Variants in SGCZ observed in about 807,000 individuals in gnomAD.
The protein encoded by SGCZ is zeta-sarcoglycan.
In SGCZ, 40 loss-of-function variants were observed where a neutral mutation model predicts 41.3. The observed-to-expected ratio is 0.97, with a 90% CI of 0.75 to 1.26. The LOEUF (loss-of-function observed/expected upper bound fraction) is 1.26. SGCZ is among the 50% of genes most tolerant of loss of function. The pLI is 0.00. For missense variants in SGCZ, 552 were observed against 369.8 expected (o/e 1.49, Z -4.04); for synonymous variants, 206 against 137.5 (o/e 1.50, Z -3.49).
chr8:15,091,802 G>A (rs556449457), intron 1 of SGCZ, among the ~76,000 whole-genome samples: 2 of 152,176 alleles, frequency 1.3e-5, no homozygotes, highest in East Asian at 3.9e-4. Context: ...AACCAGGCTG[G>A]AGTGCAGTGT....
chr8:15,138,871 A>G (rs1321517651), intron 1 of SGCZ, among the ~76,000 whole-genome samples: 2 of 152,214 alleles, frequency 1.3e-5, no homozygotes, highest in Non-Finnish European at 1.5e-5. Context: ...GCTGAACTGG[A>G]AACATAAAGG....
intron 4 of SGCZ, among the ~76,000 whole-genome samples, chr8:14,216,281 TC>T (rs1389018290): frequency 1.3e-5 from 2 of 152,162 alleles, no homozygotes; most frequent in East Asian, 3.9e-4. Flanking sequence ...CCCCTGGACT[TC>T]CGAGAAGTTT....
chr8:14,702,878 TAGATAAAA>T (rs1809205588), intron 1 of SGCZ, among the ~76,000 whole-genome samples: 3 of 130,110 alleles, frequency 2.3e-5, no homozygotes, highest in Non-Finnish European at 4.9e-5. Flanking sequence ...GATAGATAGA[TAGATAAAA>T]AGATAGATAG....
intron 1 of SGCZ, among the ~76,000 whole-genome samples, chr8:14,713,194 T>C (rs1809578108): frequency 6.6e-6 from 1 of 152,202 alleles, no homozygotes; most frequent in African/African-American, 2.4e-5. Context: ...ACATGCATAG[T>C]AATTTGTAAA....
chr8:14,368,070 G>C (rs1189469802), intron 2 of SGCZ, among the ~76,000 whole-genome samples: 1 of 151,972 alleles, frequency 6.6e-6, no homozygotes, highest in Non-Finnish European at 1.5e-5. Context: ...TTAAATTTTT[G>C]AAAAGGTAAG....
intron 1 of SGCZ, among the ~76,000 whole-genome samples, chr8:15,132,403 A>C (rs942936811): frequency 1.3e-5 from 2 of 151,990 alleles, no homozygotes; most frequent in African/African-American, 2.4e-5. Context: ...CTTATACCAA[A>C]TTTTCCTGTT....
chr8:14,099,748 A>G (rs933345290), intron 7 of SGCZ, among the ~76,000 whole-genome samples: 21 of 151,950 alleles, frequency 1.4e-4, no homozygotes, highest in Non-Finnish European at 2.6e-4. Context: ...TTTATTAATT[A>G]TTTTTCTTTG....
intron 1 of SGCZ, among the ~76,000 whole-genome samples, chr8:14,725,450 C>G (rs867986987): frequency 7.2e-5 from 11 of 152,208 alleles, no homozygotes; most frequent in Admixed American, 4.6e-4. Flanking sequence ...CAACAGTGTA[C>G]AAGTGATTCC....
chr8:15,038,814 C>CAAA (rs58922339), intron 1 of SGCZ, among the ~76,000 whole-genome samples: 27 of 93,038 alleles, frequency 2.9e-4, no homozygotes, highest in African/African-American at 1.0e-3. Context: ...TGACATTTCT[C>CAAA]AAAAAAAAAA....
chr8:14,597,736 C>T (rs2117303187), intron 1 of SGCZ, among the ~76,000 whole-genome samples: 1 of 152,262 alleles, frequency 6.6e-6, no homozygotes, highest in African/African-American at 2.4e-5. Context: ...CTTGGCCTCC[C>T]AAAGTGCTGG....
chr8:14,909,874 C>A (rs1488063395), intron 1 of SGCZ, among the ~76,000 whole-genome samples: 3 of 152,076 alleles, frequency 2.0e-5, no homozygotes, highest in Non-Finnish European at 4.4e-5. Flanking sequence ...ACCAGTGTAG[C>A]TATATAGTGG....
At chr8:14,712,029 G>T (rs1362744119) in intron 1 of SGCZ, among the ~76,000 whole-genome samples, 1 of 152,072 alleles carries the variant, frequency 6.6e-6, no homozygotes, top group Admixed American at 6.5e-5. Flanking sequence ...AGCACTTTTG[G>T]AGGCTGAGGT....
intron 2 of SGCZ, among the ~76,000 whole-genome samples, chr8:14,392,331 T>C (rs1275066527): frequency 6.6e-6 from 1 of 152,180 alleles, no homozygotes; most frequent in Non-Finnish European, 1.5e-5. Context: ...TTAGATGGTA[T>C]GAAAAATTGA....
At chr8:14,398,009 G>A (rs919017521) in intron 2 of SGCZ, among the ~76,000 whole-genome samples, 1 of 152,072 alleles carries the variant, frequency 6.6e-6, no homozygotes, top group Admixed American at 6.6e-5. Flanking sequence ...TGCTATTTAA[G>A]TTAATGGTTC....
At chr8:15,186,370 G>C (rs557114122) in intron 1 of SGCZ, among the ~76,000 whole-genome samples, 16 of 149,696 alleles carry the variant, frequency 1.1e-4, no homozygotes, top group African/African-American at 3.0e-4. Flanking sequence ...ATAAATACTG[G>C]CTCCAGTCGG....
chr8:14,989,826 T>C (rs1260448684), intron 1 of SGCZ, among the ~76,000 whole-genome samples: 1 of 152,100 alleles, frequency 6.6e-6, no homozygotes, highest in African/African-American at 2.4e-5. Context: ...TCCATATCCA[T>C]TACAGACATA....
At chr8:14,685,337 A>G (rs757892775) in intron 1 of SGCZ, among the ~76,000 whole-genome samples, 5 of 152,132 alleles carry the variant, frequency 3.3e-5, no homozygotes, top group Non-Finnish European at 5.9e-5. Context: ...TCTCATTACT[A>G]TTAGAATTAG....
chr8:14,822,476 A>G lies in SGCZ; in HGVS notation c.40-267550T>C, dbSNP rs150662017. Among the ~76,000 whole-genome samples, 507 of 152,300 alleles carry G rather than the reference A, an allele frequency of 3.3e-3. 4 individuals are homozygous for G. The highest frequency in any genetic ancestry group is 0.012 in the African/African-American group (484 of 41,568). On this transcript the variant is annotated intron_variant, in intron 1 of 7. Coordinates refer to ENST00000382080, the MANE Select transcript of SGCZ (RefSeq NM_139167.4). ...TACAACTGACATTATTCACAGAAAC[A>G]AAAAAGAAATTCACATGGAATCACA...
chr8:15,121,591 T>A (rs192500040), intron 1 of SGCZ, among the ~76,000 whole-genome samples: 12 of 152,280 alleles, frequency 7.9e-5, no homozygotes, highest in African/African-American at 2.9e-4. Context: ...ATTCTATGCA[T>A]ATATAACAAT....
Sources: gnomAD v4.1 joint callset for allele counts (sites outside exome capture counted in the v4.1 genomes callset) on GRCh38, gnomAD v4.1.1 for gene constraint, MANE v1.5 for transcripts, NCBI Gene and HGNC (gene_info 2026-07-23, HGNC 2026-07-21) for gene names.